The following RFTN2 variants were observed in gnomAD, a reference collection of about 807,000 sequenced individuals.
RFTN2 encodes raftlin family member 2.
RFTN2 carries 34 observed loss-of-function variants against 52.7 expected under a neutral mutation model. The ratio of observed to expected loss-of-function variants is 0.64; its 90% CI spans 0.49 to 0.86. The LOEUF is 0.86. Ranked by LOEUF, RFTN2 falls within the 40% of genes least tolerant of loss-of-function variation. The pLI, the probability that RFTN2 is intolerant of heterozygous loss-of-function variation, is 0.00. For missense variants in RFTN2, 536 were observed against 600.1 expected (o/e 0.89, Z 1.12); for synonymous variants, 203 against 217.7 (o/e 0.93, Z 0.59).
At chr2:197,603,240 T>G (rs777658377) in intron 7 of RFTN2, among the ~76,000 whole-genome samples, 9 of 152,264 alleles carry the variant, frequency 5.9e-5, no homozygotes, top group Admixed American at 1.3e-4. Context: ...TTTAAAATAA[T>G]TCACTCTTTC....
Position 197,605,364 on chromosome 2 carries a change from C to G in RFTN2, c.1155-9295G>C, listed in dbSNP as rs184296369. 4.2e-3 allele frequency among the ~76,000 whole-genome samples: 634 copies of G among 151,820 alleles called. 5 individuals are homozygous for G. Among genetic ancestry groups the G allele is most frequent in the African/African-American group, 0.015 (602 of 41,438 alleles). On this transcript the variant is annotated intron_variant, in intron 7 of 8. Transcript: ENST00000295049. ...CCAAGTAGCTGGGACTACAGGCGCC[C>G]GCCACCACGCCCGGCTAATTTTTTG...
At chr2:197,669,159 TG>T (rs1338993592) in intron 1 of RFTN2, among the ~76,000 whole-genome samples, 2 of 152,246 alleles carry the variant, frequency 1.3e-5, no homozygotes, top group Non-Finnish European at 2.9e-5. Flanking sequence ...TATTGAACTA[TG>T]TATTTCATGG....
chr2:197,631,031 A>G lies in RFTN2; in HGVS notation c.908T>C (p.Val303Ala). The G allele has an allele frequency of 6.2e-7, 1 of 1,607,442 alleles. No individual in the cohort carries two copies. Among genetic ancestry groups the G allele is most frequent in the Non-Finnish European group, 8.5e-7 (1 of 1,174,550 alleles). The stretch of plus-strand genomic sequence containing the variant: ...CTTACCTTTAGATGTTTCCCAGAAT[A>G]CAAAAGAATCAATTAAAGACAAGCC... The part of the protein sequence containing the change: ...KQGLSLIDSF[V>A]FWETSKGEHL... Residue 303 changes from valine to alanine, a missense_variant, in exon 5 of 9, where the codon GTA becomes GCA. Physicochemically the swap from Val to Ala is moderately conservative, Grantham distance 64. Transcript: ENST00000295049.
chr2:197,640,234 A>C (rs1422420063), intron 3 of RFTN2, among the ~76,000 whole-genome samples: 1 of 152,192 alleles, frequency 6.6e-6, no homozygotes, highest in Non-Finnish European at 1.5e-5. Context: ...AGAGGCAGGC[A>C]GGCCTCCTTG....
intron 5 of RFTN2, among the ~76,000 whole-genome samples, chr2:197,618,626 C>T (rs914216072): frequency 6.6e-6 from 1 of 151,866 alleles, no homozygotes; most frequent in South Asian, 2.1e-4. Flanking sequence ...GCCACCATCC[C>T]ATCTAGGAAG....
At chr2:197,586,494 C>T (rs2087600311) in intron 8 of RFTN2, among the ~76,000 whole-genome samples, 1 of 152,204 alleles carries the variant, frequency 6.6e-6, no homozygotes. Context: ...CATGTGTCTA[C>T]CTGCTAATTG....
At chr2:197,595,905 G>A (rs1428460136) in intron 8 of RFTN2, 86 bp downstream of exon 8, 11 of 928,802 alleles carry the variant, frequency 1.2e-5, no homozygotes, top group East Asian at 1.0e-4. Flanking sequence ...TCATGTCCAC[G>A]CTTTCTTATT....
intron 1 of RFTN2, among the ~76,000 whole-genome samples, chr2:197,666,360 A>G (rs10931788): frequency 0.68 from 103,627 of 152,126 alleles, 35,624 homozygotes; most frequent in Middle Eastern, 0.85. Context: ...ACAGGCATGG[A>G]CCACTGTGCC....
chr2:197,581,522 C>G (rs2087509914), intron 8 of RFTN2, among the ~76,000 whole-genome samples: 1 of 152,304 alleles, frequency 6.6e-6, no homozygotes, highest in Middle Eastern at 3.4e-3. Context: ...TCATGATTTA[C>G]TTTCTTTCCA....
intron 8 of RFTN2, among the ~76,000 whole-genome samples, chr2:197,591,453 T>C (rs1417578836): frequency 6.6e-6 from 1 of 152,218 alleles, no homozygotes; most frequent in Admixed American, 6.5e-5. Context: ...ATAAAGGTTC[T>C]GCAAGTCCCC....
At chr2:197,672,269 T>C (rs1410368856) in intron 1 of RFTN2, among the ~76,000 whole-genome samples, 1 of 152,216 alleles carries the variant, frequency 6.6e-6, no homozygotes, top group Admixed American at 6.5e-5. Flanking sequence ...TTATTTCTTT[T>C]ATAGTACCTA....
At chr2:197,620,601 AT>A (rs1348708168) in intron 5 of RFTN2, among the ~76,000 whole-genome samples, 1 of 152,204 alleles carries the variant, frequency 6.6e-6, no homozygotes, top group African/African-American at 2.4e-5. Flanking sequence ...AATCATTATT[AT>A]TATTTTTTTG....
At position 197,619,484 on chromosome 2, in the gene RFTN2, A is replaced by T. The variant is rs547636286; in HGVS notation, c.929-1563T>A. On this transcript the variant is annotated intron_variant, in intron 5 of 8. Coordinates refer to ENST00000295049, the MANE Select transcript of RFTN2 (RefSeq NM_144629.3). ...TCTGAAACATGTGCTGTATCCACTC[A>T]GGGTTGAATGGATTAAGGGCGGTGC... Among the ~76,000 whole-genome samples the T allele has an allele frequency of 3.3e-5, 5 of 151,918 alleles. No homozygotes were observed. In the South Asian group the frequency reaches 1.0e-3, roughly 32 times the overall value.
chr2:197,614,870 T>C (rs940752288), intron 7 of RFTN2, among the ~76,000 whole-genome samples: 3 of 152,234 alleles, frequency 2.0e-5, no homozygotes, highest in Non-Finnish European at 4.4e-5. Flanking sequence ...GAAATCATGC[T>C]TCAAGGAGTC....
intron 8 of RFTN2, among the ~76,000 whole-genome samples, chr2:197,593,437 A>G (rs911154693): frequency 2.0e-5 from 3 of 152,144 alleles, no homozygotes; most frequent in Non-Finnish European, 4.4e-5. Flanking sequence ...TAAAAACCTT[A>G]TATCTAATAT....
chr2:197,631,090 A>G lies in RFTN2; in HGVS notation c.849T>C (p.Asp283=). The change falls in exon 5 of 9, where the codon GAT becomes GAC. Residue 283 remains aspartate (D), a synonymous_variant. Transcript: ENST00000295049. ...AATAAAAGGTAGTTAACTCCAGCCA[A>G]TCAGCATCAAGTGTACTAATGACTG... is the stretch of plus-strand genomic sequence containing the variant. The part of the protein sequence containing the change: ...KGSVISTLDA[D]WLELTTFYYK... 5.6e-6 allele frequency: 9 copies of G among 1,613,468 alleles called. No homozygotes were observed. Among genetic ancestry groups the G allele is most frequent in the Non-Finnish European group, 6.8e-6 (8 of 1,179,514 alleles).
Position 197,674,436 on chromosome 2 carries a change from CT to C in RFTN2, c.139+883del, listed in dbSNP as rs552682736. Among the ~76,000 whole-genome samples, 171 of 140,046 alleles carry C rather than the reference CT, an allele frequency of 1.2e-3. 5 individuals carry two copies. Among genetic ancestry groups the C allele is most frequent in the Admixed American group, 9.4e-3 (130 of 13,770 alleles). 91.9% of individuals were successfully genotyped at this position (140,046 alleles called of 152,430 possible). A position where few individuals can be genotyped will look rare whatever the true frequency, so the allele number is the denominator to read the frequency against. ...ATTCAACATGATAATTTAGTATAAA[CT>C]TTTTGTGAATTGATAAAATGTGTGG... On this transcript the variant is annotated intron_variant, in intron 1 of 8. Coordinates refer to ENST00000295049, the MANE Select transcript of RFTN2 (RefSeq NM_144629.3).
At chr2:197,596,806 C>G (rs923865629) in intron 7 of RFTN2, among the ~76,000 whole-genome samples, 4 of 152,152 alleles carry the variant, frequency 2.6e-5, no homozygotes, top group Admixed American at 2.6e-4. Context: ...AATTGAGGGA[C>G]TTCAACTATA....
intron 4 of RFTN2, among the ~76,000 whole-genome samples, chr2:197,632,365 A>C (rs968588522): frequency 6.6e-6 from 1 of 152,216 alleles, no homozygotes; most frequent in Non-Finnish European, 1.5e-5. Context: ...TTCTAATAAC[A>C]GTGAGTTAGT....
Sources: allele counts gnomAD v4.1 joint callset (sites outside exome capture counted in the v4.1 genomes callset), GRCh38; gene constraint gnomAD v4.1.1; transcripts MANE v1.5; gene names NCBI Gene and HGNC (gene_info 2026-07-23, HGNC 2026-07-21).